GUCY2F: variants seen among roughly 807,000 people sequenced by gnomAD.
GUCY2F encodes the protein guanylate cyclase 2F, retinal.
GUCY2F carries 61 observed loss-of-function variants against 73.1 expected under a neutral mutation model. The ratio of observed to expected loss-of-function variants is 0.83; its 90% confidence interval spans 0.68 to 1.03. The LOEUF (loss-of-function observed/expected upper bound fraction) is 1.03. GUCY2F is among the 50% of genes least tolerant of loss of function. GUCY2F has a pLI of 0.00. For synonymous variants in GUCY2F, 331 were observed against 307.8 expected, an observed-to-expected ratio of 1.08 and a Z score of -0.79; for missense variants, 912 against 854.3, an observed-to-expected ratio of 1.07 and a Z score of -0.84.
intron 2 of GUCY2F, among the ~76,000 whole-genome samples, chrX:109,470,532 G>A (rs1431300053): frequency 9.0e-6 from 1 of 111,613 alleles, no homozygotes; most frequent in Non-Finnish European, 1.9e-5. Flanking sequence ...AGGTGGAAGG[G>A]CTGAATTATA....
At chrX:109,397,905 G>A (rs951675143) in intron 11 of GUCY2F, among the ~76,000 whole-genome samples, 1 of 110,206 alleles carries the variant, frequency 9.1e-6, no homozygotes, top group African/African-American at 3.3e-5. Flanking sequence ...ATGTCAATGG[G>A]TACATAACAT....
At chrX:109,451,657 C>T (rs1303582179) in intron 5 of GUCY2F, among the ~76,000 whole-genome samples, 6 of 112,030 alleles carry the variant, frequency 5.4e-5, no homozygotes, top group Non-Finnish European at 1.1e-4. Context: ...CAATTCCATT[C>T]CCTATCATCA....
At position 109,372,927 on chromosome X, in the gene GUCY2F, C is replaced by G. The variant is rs1337002681; in HGVS notation, c.*74G>C. ...TCACTAATTTCTTGCCCAGGCAGAA[C>G]AATTTCTTGAACTGAAGTGAGCTTT... On this transcript the variant is annotated 3_prime_UTR_variant, in exon 20 of 20. Transcript: ENST00000218006. 1 of 113,231 alleles carries G rather than the reference C, an allele frequency of 8.8e-6. No individual in the cohort carries two copies. Among genetic ancestry groups the G allele is most frequent in the Non-Finnish European group, 1.9e-5 (1 of 53,366 alleles). 9.3% of individuals were successfully genotyped at this position (113,231 alleles called of 1,213,427 possible). A position where few individuals can be genotyped will look rare whatever the true frequency, so the allele number is the denominator to read the frequency against.
chrX:109,458,955 CT>C (rs1463492717), intron 3 of GUCY2F, among the ~76,000 whole-genome samples: 5 of 111,576 alleles, frequency 4.5e-5, no homozygotes, highest in Non-Finnish European at 7.5e-5. Context: ...TAAATCTGAG[CT>C]TAATAAATAC....
intron 2 of GUCY2F, among the ~76,000 whole-genome samples, chrX:109,473,421 T>G (rs1031702228): frequency 6.2e-5 from 7 of 112,036 alleles, no homozygotes; most frequent in African/African-American, 2.3e-4. Context: ...AAAGCAGCAT[T>G]TCTCAACTCT....
At chrX:109,416,685 A>T (rs1293466911) in intron 8 of GUCY2F, among the ~76,000 whole-genome samples, 1 of 111,204 alleles carries the variant, frequency 9.0e-6, no homozygotes, top group African/African-American at 3.3e-5. Context: ...TTCAAACAGA[A>T]TAAACACAAA....
chrX:109,476,491 A>G (rs1002462895), intron 1 of GUCY2F, among the ~76,000 whole-genome samples: 1 of 111,633 alleles, frequency 9.0e-6, no homozygotes. Context: ...GTAAACAGAT[A>G]ATAACAATGC....
chrX:109,431,978 C>G (rs1477493242), intron 7 of GUCY2F, among the ~76,000 whole-genome samples: 1 of 110,315 alleles, frequency 9.1e-6, no homozygotes, highest in Admixed American at 9.6e-5. Context: ...AGGGTAGTAC[C>G]GGATCAGTGC....
In GUCY2F at chrX:109,422,501, T is replaced by C. The variant is rs897535634; in HGVS notation, c.1791+7806A>G. 2.7e-5 allele frequency among the ~76,000 whole-genome samples: 3 copies of C among 111,764 alleles called. No individual in the cohort carries two copies. In the Admixed American group the frequency reaches 2.9e-4, roughly 11 times the overall value. On this transcript the variant is annotated intron_variant, in intron 8 of 19. Transcript: ENST00000218006. ...CAATGTGAATATACTTAACACTACT[T>C]AACTGTACACTTTAAGGTGGTAAAT...
At chrX:109,403,782 TC>T (rs1296886337) in intron 10 of GUCY2F, among the ~76,000 whole-genome samples, 1 of 112,480 alleles carries the variant, frequency 8.9e-6, no homozygotes, top group Non-Finnish European at 1.9e-5. Flanking sequence ...TAAAGATTTG[TC>T]CCTATATTTT....
Position 109,430,316 on chromosome X carries a change from C to A in GUCY2F, c.1782G>T (p.Val594=). The change falls in exon 8 of 20, where the codon GTG becomes GTT. Residue 594 remains valine, a synonymous_variant. Coordinates refer to ENST00000218006, the MANE Select transcript of GUCY2F (RefSeq NM_001522.3). ...CGAAGATTTCTCATACCATTTCGAA[C>A]ACATCACTTGCTCTTGATTTGATGG... ...LKSIKSRASD[V]FEMMKDLRHE... 1 of 1,043,836 alleles carries A rather than the reference C, an allele frequency of 9.6e-7. No individual in the cohort carries two copies. Among genetic ancestry groups the A allele is most frequent in the Non-Finnish European group, 1.3e-6 (1 of 743,481 alleles). The allele number at this position is 1,043,836 out of a possible 1,213,427, so 86.0% of individuals were successfully genotyped here.
chrX:109,403,295 G>C lies in GUCY2F; in HGVS notation c.2125+1033C>G, dbSNP rs138674500. 4.9e-3 allele frequency among the ~76,000 whole-genome samples: 536 copies of C among 110,258 alleles called. 2 individuals are homozygous for C. The highest frequency in any genetic ancestry group is 0.017 in the African/African-American group (509 of 30,262). ...TTATAACTCCTACTGGCATTGTTTA[G>C]TGCTACCACTGGTGCACTAGACAGA... is the stretch of plus-strand genomic sequence containing the variant. On this transcript the variant is annotated intron_variant, in intron 10 of 19. Coordinates refer to ENST00000218006, the MANE Select transcript of GUCY2F (RefSeq NM_001522.3).
intron 8 of GUCY2F, among the ~76,000 whole-genome samples, chrX:109,420,309 G>A (rs1164693820): frequency 1.0e-5 from 1 of 97,216 alleles, no homozygotes; most frequent in East Asian, 3.1e-4. Context: ...AAAAGAGAAA[G>A]AAAGAAGAAA....
At chrX:109,427,954 AGATT>A (rs1931525667) in intron 8 of GUCY2F, among the ~76,000 whole-genome samples, 1 of 111,859 alleles carries the variant, frequency 8.9e-6, no homozygotes, top group South Asian at 3.7e-4. Flanking sequence ...TTAGATAGAC[AGATT>A]GATTGATATG....
intron 7 of GUCY2F, among the ~76,000 whole-genome samples, chrX:109,438,847 C>T (rs763681969): frequency 1.8e-4 from 20 of 112,930 alleles, no homozygotes; most frequent in African/African-American, 6.1e-4. Context: ...GTGGCCCTGA[C>T]TCCACAGTTC....
At chrX:109,400,522 G>T (rs896408081) in intron 10 of GUCY2F, among the ~76,000 whole-genome samples, 11 of 112,043 alleles carry the variant, frequency 9.8e-5, no homozygotes, top group African/African-American at 3.2e-4. Context: ...ATTTTGGTTT[G>T]TTAGCAAAAC....
At chrX:109,373,347 T>C (rs1263513111) in intron 19 of GUCY2F, among the ~76,000 whole-genome samples, 1 of 111,585 alleles carries the variant, frequency 9.0e-6, no homozygotes, top group Non-Finnish European at 1.9e-5. Context: ...ATATGTGTGG[T>C]GGTCAGGTTT....
At chrX:109,426,361 GA>G (rs1931486207) in intron 8 of GUCY2F, among the ~76,000 whole-genome samples, 1 of 111,740 alleles carries the variant, frequency 8.9e-6, no homozygotes, top group Non-Finnish European at 1.9e-5. Context: ...AGAGTGTGAT[GA>G]ATTCATAATT....
At chrX:109,481,325 G>A (rs753007571) in intron 1 of GUCY2F, among the ~76,000 whole-genome samples, 67 of 112,187 alleles carry the variant, frequency 6.0e-4, no homozygotes, top group African/African-American at 1.9e-3. Context: ...AGGTTACTCA[G>A]GTGTGAACAC....
Sources: allele counts gnomAD v4.1 joint callset (sites outside exome capture counted in the v4.1 genomes callset), GRCh38; gene constraint gnomAD v4.1.1; transcripts MANE v1.5; gene names NCBI Gene and HGNC (gene_info 2026-07-23, HGNC 2026-07-21).